MORC1: variants seen among roughly 807,000 people sequenced by gnomAD.
MORC1 encodes MORC family CW-type zinc finger protein 1.
In MORC1, 59 loss-of-function variants were observed where a neutral mutation model predicts 134.9. The ratio of observed to expected loss-of-function variants is 0.44; its 90% CI spans 0.35 to 0.54. The LOEUF is 0.54. MORC1 is among the 20% of genes least tolerant of loss of function. The pLI is 0.00. For synonymous variants in MORC1, 395 were observed against 391.7 expected (o/e 1.01, Z -0.10); for missense variants, 947 against 1,134.5 (o/e 0.83, Z 2.37).
chr3:108,959,586 T>A (rs1467110310), intron 27 of MORC1, among the ~76,000 whole-genome samples: 2 of 152,172 alleles, frequency 1.3e-5, no homozygotes, highest in Admixed American at 6.6e-5. Context: ...CTCCTGTTTA[T>A]CCTCCCCTTC....
At chr3:108,993,439 G>A (rs1948120228) in intron 21 of MORC1, among the ~76,000 whole-genome samples, 1 of 152,168 alleles carries the variant, frequency 6.6e-6, no homozygotes, top group African/African-American at 2.4e-5. Flanking sequence ...CAATCCTGTG[G>A]AGGATGAGTA....
intron 6 of MORC1, among the ~76,000 whole-genome samples, chr3:109,095,763 G>A (rs1395140092): frequency 1.3e-5 from 2 of 152,006 alleles, no homozygotes; most frequent in Non-Finnish European, 2.9e-5. Flanking sequence ...CAGAAGACTA[G>A]GAGTCTTCCT....
chr3:109,049,270 GT>G, intron 14 of MORC1: 1 of 318,676 alleles, frequency 3.1e-6, no homozygotes, highest in Non-Finnish European at 4.5e-6. Context: ...CATTGTCTAT[GT>G]TTTAAGGAAA....
At chr3:109,054,404 C>T (rs1250295224) in intron 14 of MORC1, among the ~76,000 whole-genome samples, 1 of 152,172 alleles carries the variant, frequency 6.6e-6, no homozygotes, top group East Asian at 1.9e-4. Flanking sequence ...TGCTCTCACA[C>T]AGTGGAGTCC....
intron 23 of MORC1, 39 bp downstream of exon 23, chr3:108,984,677 T>C (rs963565207): frequency 1.5e-6 from 2 of 1,373,754 alleles, no homozygotes; most frequent in Non-Finnish European, 2.0e-6. Flanking sequence ...GCAGGATAAT[T>C]GCACTCACTT....
At chr3:109,011,522 T>C (rs185906167) in intron 17 of MORC1, among the ~76,000 whole-genome samples, 13 of 150,454 alleles carry the variant, frequency 8.6e-5, no homozygotes, top group Non-Finnish European at 1.6e-4. Flanking sequence ...TGCTTTGTTT[T>C]TGTTTTTTTT....
chr3:109,061,887 T>G (rs1950092483), intron 11 of MORC1, 101 bp downstream of exon 11: 1 of 1,061,514 alleles, frequency 9.4e-7, no homozygotes, highest in Admixed American at 1.7e-5. Context: ...TTATCTGTGC[T>G]TAAAAGTTTA....
chr3:109,004,928 G>C, intron 19 of MORC1, 40 bp from the exon 20 acceptor site: 1 of 1,595,718 alleles, frequency 6.3e-7, no homozygotes, highest in African/African-American at 1.4e-5. Context: ...ATTAGAAATT[G>C]GGACCTTGTC....
intron 21 of MORC1, among the ~76,000 whole-genome samples, chr3:108,993,309 A>G (rs938469751): frequency 1.3e-5 from 2 of 152,162 alleles, no homozygotes; most frequent in Non-Finnish European, 2.9e-5. Context: ...GGTAGTTCAG[A>G]CTTTAGCACT....
rs1418530345 is a variant in MORC1, at chr3:109,118,043, G to C, written c.17C>G (p.Pro6Arg). ...ACGCAGCTGGGCCCGCTGAAGCGCA[G>C]GGTACCTGTCGTCCATGCCCTCGAA... The part of the protein sequence containing the change: MDDRY[P>R]ALQRAQLRLD... Residue 6 changes from proline to arginine, a missense_variant, in exon 1 of 28, where the codon CCT (proline) becomes CGT (arginine). Transcript: ENST00000232603. 1.9e-6 allele frequency: 3 copies of C among 1,609,706 alleles called. No individual in the cohort carries two copies. The highest frequency in any genetic ancestry group is 3.3e-4 in the Middle Eastern group (2 of 6,054).
chr3:109,096,879 A>G (rs1168236503), intron 6 of MORC1, among the ~76,000 whole-genome samples: 3 of 152,210 alleles, frequency 2.0e-5, no homozygotes, highest in Admixed American at 6.5e-5. Context: ...CTCCCAGAAA[A>G]TAAAGCAAAA....
Position 109,050,827 on chromosome 3 carries a change from G to A in MORC1, c.1330+3901C>T, listed in dbSNP as rs569451002. On this transcript the variant is annotated intron_variant, in intron 14 of 27. Coordinates refer to ENST00000232603, the MANE Select transcript of MORC1 (RefSeq NM_014429.4). The stretch of plus-strand genomic sequence containing the variant: ...GGTGGCCTGCATTCAGTCTTAAAAC[G>A]GCAGTGAGAGTGAGCGGATTAAAGG... Among the ~76,000 whole-genome samples, 116 of 152,224 alleles carry A rather than the reference G, an allele frequency of 7.6e-4. 6 individuals are homozygous for A. The highest frequency in any genetic ancestry group is 3.8e-4 in the Non-Finnish European group (26 of 68,016).
intron 14 of MORC1, among the ~76,000 whole-genome samples, chr3:109,045,720 C>A (rs145769240): frequency 1.3e-5 from 2 of 152,144 alleles, no homozygotes; most frequent in African/African-American, 2.4e-5. Flanking sequence ...TGGTGGCATG[C>A]GGTTGTGCTA....
At chr3:108,971,671 CA>C (rs1947384272) in intron 24 of MORC1, among the ~76,000 whole-genome samples, 1 of 152,128 alleles carries the variant, frequency 6.6e-6, no homozygotes, top group African/African-American at 2.4e-5. Context: ...GCATCAATGT[CA>C]ATATCCTGAT....
chr3:109,028,768 C>T (rs1003413620), intron 16 of MORC1, among the ~76,000 whole-genome samples: 3 of 152,110 alleles, frequency 2.0e-5, no homozygotes, highest in African/African-American at 7.2e-5. Flanking sequence ...GGTATCAAGG[C>T]TTGATACAGA....
intron 6 of MORC1, among the ~76,000 whole-genome samples, chr3:109,098,958 T>G (rs1179459119): frequency 6.6e-6 from 1 of 152,112 alleles, no homozygotes; most frequent in African/African-American, 2.4e-5. Context: ...GTCACCAGAG[T>G]TACAGTTTTA....
At chr3:109,048,043 T>C (rs1949736050) in intron 14 of MORC1, among the ~76,000 whole-genome samples, 1 of 152,228 alleles carries the variant, frequency 6.6e-6, no homozygotes, top group Non-Finnish European at 1.5e-5. Flanking sequence ...CCAATTTAAA[T>C]AAAAATGAAC....
chr3:109,077,689 T>G (rs1950448599), intron 8 of MORC1, among the ~76,000 whole-genome samples: 1 of 151,546 alleles, frequency 6.6e-6, no homozygotes, highest in Admixed American at 6.6e-5. Context: ...CAGAATAAAA[T>G]AAATTAAAAA....
rs150100342 is a variant in MORC1, at chr3:108,959,046, G to C, written c.2874C>G (p.Phe958Leu). 1.3e-6 allele frequency: 2 copies of C among 1,565,968 alleles called. No homozygotes were observed. The highest frequency in any genetic ancestry group is 1.9e-5 in the Admixed American group (1 of 52,598). ...TAGTTACTTTATTTAAATTGTTCTG[G>C]AAGAGAAGATTATCTTCTTTAAGCA... ...EALLKEDNLL[F>L]QNNLNKVTID... The change falls in exon 28 of 28, where the codon TTC becomes TTG. Residue 958 changes from phenylalanine (F) to leucine (L), a missense_variant. Physicochemically the swap from Phe to Leu is conservative, Grantham distance 22 (BLOSUM62 0). Transcript: ENST00000232603.
Sources: gnomAD v4.1 joint callset for allele counts (sites outside exome capture counted in the v4.1 genomes callset) on GRCh38, gnomAD v4.1.1 for gene constraint, MANE v1.5 for transcripts, NCBI Gene and HGNC (gene_info 2026-07-23, HGNC 2026-07-21) for gene names.